MARCHF2: variants seen among roughly 807,000 people sequenced by gnomAD.
The protein encoded by MARCHF2 is E3 ubiquitin-protein ligase MARCHF2.
In MARCHF2, 22 loss-of-function variants were observed where a neutral mutation model predicts 24.0. That is an observed-to-expected ratio of 0.92 (90% CI 0.66 to 1.31). The LOEUF (loss-of-function observed/expected upper bound fraction) is 1.31. Ranked by LOEUF, MARCHF2 falls within the 50% of genes most tolerant of loss-of-function variation. The pLI is 0.00. For synonymous variants in MARCHF2, 154 were observed against 153.0 expected (o/e 1.01, Z -0.05); for missense variants, 301 against 335.3 (o/e 0.90, Z 0.80).
Position 8,438,312 on chromosome 19 carries a change from C to T in MARCHF2, c.583-76C>T, listed in dbSNP as rs967967126. On this transcript the variant is annotated intron_variant, in intron 4 of 4. Coordinates refer to ENST00000215555, the MANE Select transcript of MARCHF2 (RefSeq NM_001005415.2). ...GAGCCCCAGCCATGGTTTGGGCCAA[C>T]GCAGGTGCCACCACGGCGACTTGTT... 2.7e-5 allele frequency: 40 copies of T among 1,506,338 alleles called. No individual in the cohort carries two copies. In the South Asian group the frequency reaches 3.5e-4, roughly 13 times the overall value. 93.3% of individuals were successfully genotyped at this position (1,506,338 alleles called of 1,614,324 possible).
At chr19:8,437,825 G>C (rs531843337) in intron 4 of MARCHF2, among the ~76,000 whole-genome samples, 1 of 151,060 alleles carries the variant, frequency 6.6e-6, no homozygotes, top group Non-Finnish European at 1.5e-5. Flanking sequence ...GCTCACTGCG[G>C]CCCATATCTC....
chr19:8,437,755 A>C (rs559034150), intron 4 of MARCHF2, among the ~76,000 whole-genome samples: 2 of 139,594 alleles, frequency 1.4e-5, no homozygotes, highest in African/African-American at 5.3e-5. Context: ...CATTAAAAAA[A>C]TTTTTTTGAG....
intron 1 of MARCHF2, among the ~76,000 whole-genome samples, chr19:8,417,162 G>C (rs1369972614): frequency 6.6e-6 from 1 of 151,812 alleles, no homozygotes; most frequent in Non-Finnish European, 1.5e-5. Context: ...GTAAAGACCA[G>C]GCCAGGGGTG....
In MARCHF2 at chr19:8,430,611, C is replaced by A; in HGVS notation, c.373-47C>A. ...GGTCCTTACCCCTCCCCCTCAGTAG[C>A]CCCTTCTCTGCCCCCTCTCCTCTGC... On this transcript the variant is annotated intron_variant, in intron 3 of 4. Coordinates refer to ENST00000215555, the MANE Select transcript of MARCHF2 (RefSeq NM_001005415.2). This position sits in a 1 kb window ranked among gnomAD's most constrained non-coding sequence, Gnocchi z 4.4. The A allele has an allele frequency of 6.6e-7, 1 of 1,510,248 alleles. No homozygotes were observed. The highest frequency in any genetic ancestry group is 9.1e-7 in the Non-Finnish European group (1 of 1,098,806). 93.6% of individuals were successfully genotyped at this position (1,510,248 alleles called of 1,614,324 possible).
rs1210333424 is a variant in MARCHF2, at chr19:8,438,875, AG to A, written c.*330del. The A allele has an allele frequency of 4.1e-5, 9 of 219,134 alleles. No individual in the cohort carries two copies. The highest frequency in any genetic ancestry group is 8.2e-5 in the Non-Finnish European group (9 of 109,856). 13.6% of individuals were successfully genotyped at this position (219,134 alleles called of 1,614,324 possible). ...GCCGGTGTATCAAGGGCGCCCTTAAAGCTGGAACATTCCAGCAAGCTTCTTG... is the reference window on the plus strand; with the variant it reads ...GCCGGTGTATCAAGGGCGCCCTTAAACTGGAACATTCCAGCAAGCTTCTTG... On this transcript the variant is annotated 3_prime_UTR_variant, in exon 5 of 5. Transcript: ENST00000215555.
intron 2 of MARCHF2, among the ~76,000 whole-genome samples, chr19:8,424,884 C>T (rs927183186): frequency 6.6e-6 from 1 of 152,090 alleles, no homozygotes; most frequent in Non-Finnish European, 1.5e-5. Context: ...GAGTTGGTTG[C>T]ATGAGCAGGG....
In MARCHF2 at chr19:8,413,370, C is replaced by A. The variant is rs1268939799; in HGVS notation, c.-103C>A. 2.0e-5 allele frequency: 3 copies of A among 151,524 alleles called. No individual in the cohort carries two copies. Among genetic ancestry groups the A allele is most frequent in the African/African-American group, 7.3e-5 (3 of 41,332 alleles). 9.4% of individuals were successfully genotyped at this position (151,524 alleles called of 1,614,324 possible). ...GGGCCGGGCCGGGCCGGGACCGGGG[C>A]CGAGGCGAACCGAGGGGCCTGTGCG... On this transcript the variant is annotated 5_prime_UTR_variant, in exon 1 of 5. Transcript: ENST00000215555.
At chr19:8,431,253 C>A (rs1967574602) in intron 4 of MARCHF2, among the ~76,000 whole-genome samples, 1 of 151,942 alleles carries the variant, frequency 6.6e-6, no homozygotes, top group South Asian at 2.1e-4. Context: ...AATCCCAGCA[C>A]TTTGGGAGGC....
At chr19:8,428,874 G>A (rs1360145333) in intron 3 of MARCHF2, among the ~76,000 whole-genome samples, 5 of 151,828 alleles carry the variant, frequency 3.3e-5, no homozygotes, top group Non-Finnish European at 7.4e-5. Flanking sequence ...GGCGGAGGTT[G>A]CAGTGAGCCA....
chr19:8,430,848 T>G lies in MARCHF2; in HGVS notation c.563T>G (p.Ile188Ser). ...GCCCTCACCATCGCCCTCTTCACCATCTATGTCCTCTGGACGCTGGTGAGT... is the reference window on the plus strand; with the variant it reads ...GCCCTCACCATCGCCCTCTTCACCAGCTATGTCCTCTGGACGCTGGTGAGT... ...LIALTIALFT[I>S]YVLWTLVSFR... is the part of the protein sequence containing the mutation. Residue 188 changes from isoleucine to serine, a missense_variant, in exon 4 of 5, where the codon ATC (isoleucine) becomes AGC (serine). Physicochemically the swap from Ile to Ser is moderately radical, Grantham distance 142 (BLOSUM62 -2). Coordinates refer to ENST00000215555, the MANE Select transcript of MARCHF2 (RefSeq NM_001005415.2). The surrounding 1 kb of genome is among the most constrained non-coding windows in gnomAD (Gnocchi z 4.4). The G allele has an allele frequency of 6.2e-7, 1 of 1,607,516 alleles. No homozygotes were observed. The highest frequency in any genetic ancestry group is 8.5e-7 in the Non-Finnish European group (1 of 1,178,770).
intron 4 of MARCHF2, among the ~76,000 whole-genome samples, chr19:8,438,075 G>A (rs138727304): frequency 2.0e-5 from 3 of 152,068 alleles, no homozygotes; most frequent in Non-Finnish European, 4.4e-5. Context: ...CTGATTGATT[G>A]ACATTTAATG....
intron 1 of MARCHF2, among the ~76,000 whole-genome samples, chr19:8,415,913 T>C (rs1197767681): frequency 3.9e-5 from 6 of 152,100 alleles, no homozygotes; most frequent in African/African-American, 1.2e-4. Flanking sequence ...CTTCCAGGCC[T>C]GGGCCTCTGT....
rs1967322063 is a variant in MARCHF2, at chr19:8,423,907, C to G, written c.176+1891C>G. On this transcript the variant is annotated intron_variant, in intron 2 of 4. Coordinates refer to ENST00000215555, the MANE Select transcript of MARCHF2 (RefSeq NM_001005415.2). ...GTCCCAGCTACTCGGGAGACTGAGG[C>G]AGGAGGATCGCTCGAGCTAGGGAGT... Among the ~76,000 whole-genome samples the G allele has an allele frequency of 2.1e-5, 3 of 145,844 alleles. No homozygotes were observed. In the Admixed American group the frequency reaches 2.2e-4, roughly 11 times the overall value.
chr19:8,437,423 C>T (rs1967758353), intron 4 of MARCHF2, among the ~76,000 whole-genome samples: 1 of 142,122 alleles, frequency 7.0e-6, no homozygotes, highest in Non-Finnish European at 1.5e-5. Flanking sequence ...GCGATCTCGG[C>T]TCACTGCAAG....
At chr19:8,417,029 T>C (rs1359669540) in intron 1 of MARCHF2, among the ~76,000 whole-genome samples, 2 of 152,036 alleles carry the variant, frequency 1.3e-5, no homozygotes, top group Admixed American at 6.6e-5. Flanking sequence ...TTTGGTGGTT[T>C]GCAGGCCTTG....
Position 8,433,689 on chromosome 19 carries a change from A to AAAAAG in MARCHF2, c.582+2842_582+2846dup, listed in dbSNP as rs1329731019. On this transcript the variant is annotated intron_variant, in intron 4 of 4. Transcript: ENST00000215555. ...AGACTCCGTCTCAAAAAAAAAAAAAAAAAAGAAAAGAAAAGAAAAGAAAAA... is the reference window on the plus strand; with the variant it reads ...AGACTCCGTCTCAAAAAAAAAAAAAAAAAAGAAAAGAAAAGAAAAGAAAAGAAAAA... Among the ~76,000 whole-genome samples the AAAAAG allele has an allele frequency of 7.9e-4, 119 of 151,144 alleles. 1 individual carries two copies. The highest frequency in any genetic ancestry group is 4.6e-4 in the Non-Finnish European group (31 of 67,754).
chr19:8,432,352 T>C (rs569583739), intron 4 of MARCHF2, among the ~76,000 whole-genome samples: 1 of 151,986 alleles, frequency 6.6e-6, no homozygotes, highest in Non-Finnish European at 1.5e-5. Flanking sequence ...CAAAGCCAGA[T>C]GCCCATCTCT....
chr19:8,429,545 C>T (rs550045124), intron 3 of MARCHF2, among the ~76,000 whole-genome samples: 2 of 150,768 alleles, frequency 1.3e-5, no homozygotes, highest in Admixed American at 1.3e-4. Flanking sequence ...TACTCTGTCA[C>T]CCAGGCTGGA....
intron 4 of MARCHF2, 68 bp from the exon 5 acceptor site, chr19:8,438,320 C>A: frequency 6.5e-7 from 1 of 1,547,672 alleles, no homozygotes; most frequent in Non-Finnish European, 8.9e-7. Flanking sequence ...AACGCAGGTG[C>A]CACCACGGCG....
Sources: allele counts gnomAD v4.1 joint callset (sites outside exome capture counted in the v4.1 genomes callset), GRCh38; gene constraint gnomAD v4.1.1; non-coding constraint Gnocchi (gnomAD v3.1); transcripts MANE v1.5; gene names NCBI Gene and HGNC (gene_info 2026-07-23, HGNC 2026-07-21).